Variants in WWOX observed in about 807,000 individuals in gnomAD.
WWOX encodes the protein WW domain containing oxidoreductase, also known as WW domain-containing oxidoreductase.
WWOX carries 69 observed loss-of-function variants against 46.2 expected under a neutral mutation model. The observed-to-expected ratio is 1.49, with a 90% confidence interval of 1.23 to 1.82. WWOX has a LOEUF of 1.82. Ranked by LOEUF, WWOX falls within the 40% of genes most tolerant of loss-of-function variation. The probability of loss-of-function intolerance (pLI) is 0.00; values close to 1 mark genes in which losing one functional copy is unlikely to be tolerated. For synonymous variants in WWOX, 359 were observed against 202.6 expected (o/e 1.77, Z -6.56); for missense variants, 919 against 542.6 (o/e 1.69, Z -6.89).
intron 8 of WWOX, among the ~76,000 whole-genome samples, chr16:79,173,106 C>T (rs1213242384): frequency 1.3e-5 from 2 of 152,322 alleles, no homozygotes; most frequent in East Asian, 1.9e-4. Flanking sequence ...TCTTTCCCAA[C>T]ATAAAATCCA....
At chr16:78,815,936 G>A (rs542458766) in intron 8 of WWOX, among the ~76,000 whole-genome samples, 66 of 152,232 alleles carry the variant, frequency 4.3e-4, no homozygotes, top group African/African-American at 1.5e-3. Flanking sequence ...CACTGGCCCT[G>A]CTCTCTCTCG....
chr16:78,190,606 G>T (rs1052505407), intron 5 of WWOX, among the ~76,000 whole-genome samples: 2 of 152,258 alleles, frequency 1.3e-5, no homozygotes, highest in South Asian at 2.1e-4. Context: ...TGGGCCCCAG[G>T]TAGAGTGATT....
At chr16:78,780,815 C>G (rs185733984) in intron 8 of WWOX, among the ~76,000 whole-genome samples, 16 of 152,206 alleles carry the variant, frequency 1.1e-4, no homozygotes, top group Non-Finnish European at 2.1e-4. Flanking sequence ...TGGTGGATAC[C>G]AGCTAGGATT....
chr16:79,177,698 T>A (rs2050828510), intron 8 of WWOX, among the ~76,000 whole-genome samples: 1 of 152,172 alleles, frequency 6.6e-6, no homozygotes, highest in African/African-American at 2.4e-5. Flanking sequence ...ATTTGAGCCA[T>A]ATTCAGTAGT....
intron 5 of WWOX, among the ~76,000 whole-genome samples, chr16:78,370,520 C>T (rs1282669371): frequency 6.6e-6 from 1 of 151,542 alleles, no homozygotes; most frequent in Non-Finnish European, 1.5e-5. Flanking sequence ...TTTTTTATGT[C>T]ATTTTAAATG....
rs1170750707 is a variant in WWOX at position 78,492,769 on chromosome 16, C to G, written c.1056+60017C>G. On this transcript the variant is annotated intron_variant, in intron 8 of 8. Transcript: ENST00000566780. Reference sequence around the variant, plus strand: ...TCTGAGAGAATATGCATAATCACATCAAGGTGTGTTTGTTTTCCACCATTT... The same window carrying G: ...TCTGAGAGAATATGCATAATCACATGAAGGTGTGTTTGTTTTCCACCATTT... Among the ~76,000 whole-genome samples the G allele has an allele frequency of 2.0e-5, 3 of 152,172 alleles. No individual in the cohort carries two copies. The East Asian group carries it at 5.8e-4, about 29-fold the overall frequency.
chr16:78,540,380 T>C (rs2043863014), intron 8 of WWOX, among the ~76,000 whole-genome samples: 1 of 152,178 alleles, frequency 6.6e-6, no homozygotes, highest in African/African-American at 2.4e-5. Flanking sequence ...GGCCTGGATT[T>C]TTCCCCTTGC....
intron 8 of WWOX, among the ~76,000 whole-genome samples, chr16:78,598,803 G>T (rs888644301): frequency 6.6e-6 from 1 of 152,086 alleles, no homozygotes; most frequent in Admixed American, 6.5e-5. Context: ...TTTGTGCTTG[G>T]TGAGACCTTA....
At chr16:78,253,009 G>C (rs1021795878) in intron 5 of WWOX, among the ~76,000 whole-genome samples, 1 of 152,166 alleles carries the variant, frequency 6.6e-6, no homozygotes, top group African/African-American at 2.4e-5. Context: ...ATCTATTTAC[G>C]TAGGCCCTTT....
chr16:78,427,211 C>T (rs2083101546), intron 7 of WWOX, among the ~76,000 whole-genome samples: 2 of 152,250 alleles, frequency 1.3e-5, no homozygotes, highest in South Asian at 2.1e-4. Flanking sequence ...TTAAGACCCC[C>T]TGTTAGGGGA....
intron 8 of WWOX, among the ~76,000 whole-genome samples, chr16:79,168,808 A>G (rs1392749799): frequency 6.6e-6 from 1 of 152,184 alleles, no homozygotes; most frequent in East Asian, 1.9e-4. Context: ...GCTGAGATCC[A>G]GTTGAGACCA....
At chr16:78,533,071 G>C (rs1189146207) in intron 8 of WWOX, among the ~76,000 whole-genome samples, 2 of 152,072 alleles carry the variant, frequency 1.3e-5, no homozygotes, top group Non-Finnish European at 2.9e-5. Context: ...CAGACAGATG[G>C]GAGTATCCTA....
chr16:79,171,795 G>C (rs1042067236), intron 8 of WWOX, among the ~76,000 whole-genome samples: 1 of 151,846 alleles, frequency 6.6e-6, no homozygotes, highest in Admixed American at 6.6e-5. Context: ...TTTGTTTTCT[G>C]ATGTCCTGAC....
At chr16:78,407,682 A>G (rs1029871971) in intron 6 of WWOX, among the ~76,000 whole-genome samples, 1 of 152,188 alleles carries the variant, frequency 6.6e-6, no homozygotes, top group Non-Finnish European at 1.5e-5. Context: ...TTGATCAACT[A>G]GAACCACATC....
chr16:78,431,639 T>G (rs2083219513), intron 7 of WWOX, among the ~76,000 whole-genome samples: 2 of 151,832 alleles, frequency 1.3e-5, no homozygotes. Flanking sequence ...ATGTCAGGAC[T>G]GCTACATTTA....
At chr16:79,184,449 C>A (rs534109239) in intron 8 of WWOX, among the ~76,000 whole-genome samples, 14 of 152,224 alleles carry the variant, frequency 9.2e-5, no homozygotes, top group African/African-American at 3.1e-4. Context: ...CCAATTTCCA[C>A]GCCTTGTATG....
intron 8 of WWOX, among the ~76,000 whole-genome samples, chr16:79,168,191 T>G (rs944759626): frequency 1.1e-4 from 16 of 152,258 alleles, no homozygotes; most frequent in Non-Finnish European, 2.1e-4. Context: ...GCCATAAACA[T>G]TTGTATACAA....
intron 5 of WWOX, among the ~76,000 whole-genome samples, chr16:78,336,051 C>T (rs1465500763): frequency 6.6e-6 from 1 of 151,768 alleles, no homozygotes; most frequent in Non-Finnish European, 1.5e-5. Flanking sequence ...GAGATCAGGC[C>T]ACTGCACTCC....
At chr16:78,968,503 T>C (rs1597218180) in intron 8 of WWOX, among the ~76,000 whole-genome samples, 1 of 152,226 alleles carries the variant, frequency 6.6e-6, no homozygotes, top group African/African-American at 2.4e-5. Context: ...TTATGTTTCA[T>C]TGTTAACCAT....
Sources: gnomAD v4.1 joint callset for allele counts (sites outside exome capture counted in the v4.1 genomes callset) on GRCh38, gnomAD v4.1.1 for gene constraint, MANE v1.5 for transcripts, NCBI Gene and HGNC (gene_info 2026-07-23, HGNC 2026-07-21) for gene names.